The following GPHN variants were observed in gnomAD, a reference collection of about 807,000 sequenced individuals.
The protein encoded by GPHN is gephyrin.
In GPHN, 17 loss-of-function variants were observed where a neutral mutation model predicts 95.5. That is an observed-to-expected ratio of 0.18 (90% CI 0.12 to 0.27). The LOEUF is 0.27. Among genes scored for constraint, GPHN ranks in the 10% least tolerant of loss-of-function variants. GPHN has a pLI of 1.00. For synonymous variants in GPHN, 320 were observed against 322.5 expected (o/e 0.99, Z 0.08); for missense variants, 660 against 978.1 (o/e 0.67, Z 4.34).
chr14:67,117,072 GAGAA>G (rs1406890490), intron 16 of GPHN, among the ~76,000 whole-genome samples: 2 of 152,194 alleles, frequency 1.3e-5, no homozygotes, highest in Non-Finnish European at 2.9e-5. Context: ...CTAGAAGACA[GAGAA>G]AGAAAGTGAG....
At chr14:66,687,712 C>T (rs532538151) in intron 2 of GPHN, among the ~76,000 whole-genome samples, 1 of 152,234 alleles carries the variant, frequency 6.6e-6, no homozygotes, top group African/African-American at 2.4e-5. Flanking sequence ...TGGTCTCTAA[C>T]TCCTGACCTC....
At chr14:66,754,383 T>C (rs1302163218) in intron 2 of GPHN, among the ~76,000 whole-genome samples, 1 of 152,004 alleles carries the variant, frequency 6.6e-6, no homozygotes, top group African/African-American at 2.4e-5. Context: ...TTTATACTAC[T>C]AGTGACTTTC....
At chr14:67,284,547 T>TAAAAAAAAAAAAAAAAAAAAAAA in the GPHN span, among the ~76,000 whole-genome samples, 2 of 23,296 alleles carry the variant, frequency 8.6e-5, 1 homozygote, top group Non-Finnish European at 2.0e-4. Flanking sequence ...GCTGCAGTGC[T>TAAAAAAAAAAAAAAAAAAAAAAA]AAAAAAAAAA....
At chr14:67,047,968 G>T (rs2075121342) in intron 10 of GPHN, among the ~76,000 whole-genome samples, 1 of 152,186 alleles carries the variant, frequency 6.6e-6, no homozygotes, top group South Asian at 2.1e-4. Context: ...TCAAAACCAA[G>T]ATGAAACATT....
chr14:67,638,369 CA>C, the GPHN span, among the ~76,000 whole-genome samples: 77,362 of 147,844 alleles, frequency 0.52, 21,291 homozygotes, highest in African/African-American at 0.7. Context: ...ACAAATAATC[CA>C]AAAAAAAAAG....
intron 9 of GPHN, among the ~76,000 whole-genome samples, chr14:66,972,856 G>C (rs1197990099): frequency 6.6e-6 from 1 of 152,126 alleles, no homozygotes; most frequent in Non-Finnish European, 1.5e-5. Flanking sequence ...GAATAGAACA[G>C]TGATTGTTCA....
intron 7 of GPHN, among the ~76,000 whole-genome samples, chr14:66,923,824 A>G (rs2066341349): frequency 6.6e-6 from 1 of 152,088 alleles, no homozygotes; most frequent in Non-Finnish European, 1.5e-5. Flanking sequence ...ATAGATTAGA[A>G]TCATCGAGAA....
At chr14:67,595,351 G>A in the GPHN span, among the ~76,000 whole-genome samples, 6 of 152,048 alleles carry the variant, frequency 3.9e-5, no homozygotes, top group Admixed American at 3.3e-4. Context: ...TATTGTTTCC[G>A]CATCATCCTA....
At chr14:66,805,596 T>A (rs1226927014) in intron 3 of GPHN, among the ~76,000 whole-genome samples, 1 of 152,190 alleles carries the variant, frequency 6.6e-6, no homozygotes, top group Admixed American at 6.5e-5. Flanking sequence ...TGGGTAAATA[T>A]ACACATTCCA....
At chr14:66,700,210 C>G (rs1404150277) in intron 2 of GPHN, among the ~76,000 whole-genome samples, 2 of 151,898 alleles carry the variant, frequency 1.3e-5, no homozygotes, top group Admixed American at 1.3e-4. Context: ...TGCACAAAAC[C>G]CTATTTGTTT....
At chr14:66,779,737 C>T (rs1356254675) in intron 3 of GPHN, among the ~76,000 whole-genome samples, 1 of 151,974 alleles carries the variant, frequency 6.6e-6, no homozygotes, top group Non-Finnish European at 1.5e-5. Context: ...AAAATAAAGA[C>T]TGGTAAGATA....
intron 18 of GPHN, among the ~76,000 whole-genome samples, chr14:67,158,592 G>C (rs2081765054): frequency 6.6e-6 from 1 of 152,136 alleles, no homozygotes; most frequent in Non-Finnish European, 1.5e-5. Flanking sequence ...CTCATTTTTA[G>C]ATTAGTAAAC....
the GPHN span, chr14:67,338,851 A>G: frequency 7.5e-6 from 9 of 1,198,250 alleles, no homozygotes; most frequent in African/African-American, 1.4e-4. Flanking sequence ...CAAGGATAAT[A>G]AACACATACC....
At chr14:66,739,994 A>G (rs1053436210) in intron 2 of GPHN, among the ~76,000 whole-genome samples, 2 of 152,210 alleles carry the variant, frequency 1.3e-5, no homozygotes, top group African/African-American at 4.8e-5. Context: ...CACATGGAGT[A>G]TAACAGCAGA....
chr14:66,531,620 T>C (rs1373091656), intron 1 of GPHN, among the ~76,000 whole-genome samples: 1 of 152,216 alleles, frequency 6.6e-6, no homozygotes, highest in Admixed American at 6.5e-5. Flanking sequence ...TGTTATTTTA[T>C]TGTTTTTCTG....
At chr14:67,708,822 C>T in the GPHN span, among the ~76,000 whole-genome samples, 69 of 138,982 alleles carry the variant, frequency 5.0e-4, no homozygotes, top group African/African-American at 1.8e-3. Flanking sequence ...GAGAGGGAGT[C>T]TCATTCTGTC....
intron 3 of GPHN, among the ~76,000 whole-genome samples, chr14:66,793,519 A>G (rs903953386): frequency 1.3e-5 from 2 of 152,190 alleles, no homozygotes; most frequent in Non-Finnish European, 2.9e-5. Flanking sequence ...TATATAAGGT[A>G]ATAATTATAG....
the GPHN span, chr14:67,615,645 TA>T: frequency 1.9e-6 from 1 of 533,076 alleles, no homozygotes. Context: ...CCATGTCTGC[TA>T]AAGAGAAAGG....
chr14:67,171,766 C>T (rs1187918857), intron 21 of GPHN, among the ~76,000 whole-genome samples: 1 of 152,118 alleles, frequency 6.6e-6, no homozygotes, highest in Non-Finnish European at 1.5e-5. Flanking sequence ...CTGGTGAGCA[C>T]AGAAACTCAG....
Sources: gnomAD v4.1 joint callset for allele counts (sites outside exome capture counted in the v4.1 genomes callset) on GRCh38, gnomAD v4.1.1 for gene constraint, MANE v1.5 for transcripts, NCBI Gene and HGNC (gene_info 2026-07-23, HGNC 2026-07-21) for gene names.